The following GLIS3 variants were observed in gnomAD, a reference collection of about 807,000 sequenced individuals.
GLIS3 encodes zinc finger protein GLIS3.
GLIS3 carries 53 observed loss-of-function variants against 78.6 expected under a neutral mutation model. The observed-to-expected ratio is 0.67, with a 90% CI of 0.54 to 0.85. GLIS3 has a LOEUF of 0.85. Ranked by LOEUF, GLIS3 falls within the 40% of genes least tolerant of loss-of-function variation. The probability of loss-of-function intolerance (pLI) is 0.00; values close to 1 mark genes in which losing one functional copy is unlikely to be tolerated. For synonymous variants in GLIS3, 684 were observed against 509.9 expected, an observed-to-expected ratio of 1.34 and a Z score of -4.60; for missense variants, 1,703 against 1,231.1, an observed-to-expected ratio of 1.38 and a Z score of -5.74.
At chr9:3,857,401 A>G (rs1819864302) in intron 8 of GLIS3, among the ~76,000 whole-genome samples, 1 of 152,256 alleles carries the variant, frequency 6.6e-6, no homozygotes, top group South Asian at 2.1e-4. Flanking sequence ...AGTCAAGCTT[A>G]TAAAGTGATT....
At chr9:4,480,993 C>T in the GLIS3 span, among the ~76,000 whole-genome samples, 1 of 151,920 alleles carries the variant, frequency 6.6e-6, no homozygotes, top group Non-Finnish European at 1.5e-5. Flanking sequence ...TAGCTGGGGC[C>T]ATGGGCAAGC....
chr9:3,998,419 T>G (rs568661164), intron 4 of GLIS3, among the ~76,000 whole-genome samples: 1 of 152,240 alleles, frequency 6.6e-6, no homozygotes, highest in African/African-American at 2.4e-5. Flanking sequence ...CCTTTATATT[T>G]ACACCTCTTT....
chr9:4,097,877 A>G (rs750271361), intron 4 of GLIS3, among the ~76,000 whole-genome samples: 1 of 152,100 alleles, frequency 6.6e-6, no homozygotes, highest in Non-Finnish European at 1.5e-5. Context: ...AACCCCACAA[A>G]ACAAAAAAGT....
At position 4,268,919 on chromosome 9, in the gene GLIS3, A is replaced by C. The variant is rs555429590; in HGVS notation, c.388+17119T>G. Among the ~76,000 whole-genome samples the C allele has an allele frequency of 1.4e-4, 22 of 152,292 alleles. No individual in the cohort carries two copies. In the Middle Eastern group the frequency reaches 0.01, roughly 71 times the overall value. ...GCTGTTTGCTGCAGCTACTATCTAC[A>C]CATTTCCTCACAGTTCTCTTTTTCT... On this transcript the variant is annotated intron_variant, in intron 2 of 10. Transcript: ENST00000381971.
the GLIS3 span, among the ~76,000 whole-genome samples, chr9:4,421,708 G>A: frequency 2.2e-4 from 34 of 152,304 alleles, no homozygotes; most frequent in East Asian, 6.4e-3. Flanking sequence ...CTTGTTCTGA[G>A]AATAGTGTTA....
chr9:4,001,485 T>C, intron 4 of GLIS3, among the ~76,000 whole-genome samples: 1 of 152,286 alleles, frequency 6.6e-6, no homozygotes, highest in African/African-American at 2.4e-5. Context: ...TATCAAACAA[T>C]AACACAAGAC....
chr9:4,296,290 AG>A (rs1422547525), intron 1 of GLIS3, among the ~76,000 whole-genome samples: 10 of 131,588 alleles, frequency 7.6e-5, no homozygotes, highest in Non-Finnish European at 1.2e-4. Context: ...GAACAGTCAG[AG>A]GAAAAAAAAA....
chr9:4,200,578 A>G (rs138674914), intron 2 of GLIS3, among the ~76,000 whole-genome samples: 1 of 152,204 alleles, frequency 6.6e-6, no homozygotes, highest in South Asian at 2.1e-4. Context: ...AAATTCCTGG[A>G]AACACACAAT....
chr9:3,964,807 T>C (rs1179264210), intron 4 of GLIS3, among the ~76,000 whole-genome samples: 1 of 152,262 alleles, frequency 6.6e-6, no homozygotes, highest in East Asian at 1.9e-4. Flanking sequence ...GACATGAGTG[T>C]GAGGTAATGC....
At position 3,941,387 on chromosome 9, in the gene GLIS3, A is replaced by T. The variant is rs188050880; in HGVS notation, c.1711-4198T>A. Among the ~76,000 whole-genome samples, 1,010 of 151,814 alleles carry T rather than the reference A, an allele frequency of 6.7e-3. 4 individuals are homozygous for T. The highest frequency in any genetic ancestry group is 0.017 in the African/African-American group (687 of 41,458). On this transcript the variant is annotated intron_variant, in intron 4 of 10. Coordinates refer to ENST00000381971, the MANE Select transcript of GLIS3 (RefSeq NM_001042413.2). ...TTTATTTATTTATTTTATTTTTTTT[A>T]AAATTATACTTTAAGTTTTAGGGTA...
the GLIS3 span, chr9:4,490,459 G>T: frequency 3.1e-6 from 1 of 317,620 alleles, no homozygotes; most frequent in Non-Finnish European, 5.7e-6. Context: ...AGCCGGGCGC[G>T]CCTGCCACGC....
At chr9:4,092,592 C>T (rs972157592) in intron 4 of GLIS3, among the ~76,000 whole-genome samples, 1 of 151,880 alleles carries the variant, frequency 6.6e-6, no homozygotes, top group African/African-American at 2.4e-5. Context: ...ACACATTATC[C>T]TAGGCCTACA....
At chr9:4,163,221 AGCATGTGCAC>A in intron 2 of GLIS3, among the ~76,000 whole-genome samples, 1 of 151,588 alleles carries the variant, frequency 6.6e-6, no homozygotes, top group African/African-American at 2.4e-5. Flanking sequence ...TTTATGTCTC[AGCATGTGCAC>A]GCATGTGCAC....
At chr9:4,429,389 T>G in the GLIS3 span, among the ~76,000 whole-genome samples, 1 of 152,042 alleles carries the variant, frequency 6.6e-6, no homozygotes, top group Non-Finnish European at 1.5e-5. Context: ...GTTTTCTATG[T>G]TTTCTCTTCC....
chr9:4,308,224 G>A (rs1303863057), intron 4 of GLIS3, among the ~76,000 whole-genome samples: 1 of 152,128 alleles, frequency 6.6e-6, no homozygotes, highest in African/African-American at 2.4e-5. Context: ...GCACTGTGAA[G>A]TGAAAGGACC....
chr9:4,333,267 AG>A (rs1695271917), intron 2 of GLIS3, among the ~76,000 whole-genome samples: 2 of 145,230 alleles, frequency 1.4e-5, no homozygotes, highest in African/African-American at 5.1e-5. Context: ...AAAAATGGGA[AG>A]GGGAAGGGGA....
chr9:4,370,204 C>A, the GLIS3 span, among the ~76,000 whole-genome samples: 300 of 115,618 alleles, frequency 2.6e-3, 1 homozygote, highest in African/African-American at 6.9e-3. Flanking sequence ...AAAAAAAAAA[C>A]AACCAAAAAA....
intron 9 of GLIS3, among the ~76,000 whole-genome samples, chr9:3,833,504 G>A (rs780667138): frequency 6.6e-6 from 1 of 151,826 alleles, no homozygotes; most frequent in Non-Finnish European, 1.5e-5. Context: ...GCAAAATGAG[G>A]CAAGATGTTA....
intron 4 of GLIS3, among the ~76,000 whole-genome samples, chr9:4,046,545 G>T (rs543344430): frequency 1.8e-4 from 27 of 152,216 alleles, no homozygotes; most frequent in Admixed American, 9.2e-4. Flanking sequence ...TCAAAGGTGG[G>T]GCCAGCAATC....
Sources: allele counts gnomAD v4.1 joint callset (sites outside exome capture counted in the v4.1 genomes callset), GRCh38; gene constraint gnomAD v4.1.1; transcripts MANE v1.5; gene names NCBI Gene and HGNC (gene_info 2026-07-23, HGNC 2026-07-21).